The following DPYSL3 variants were observed in gnomAD, a reference collection of about 807,000 sequenced individuals.
The protein encoded by DPYSL3 is dihydropyrimidinase-related protein 3.
A neutral mutation model predicts 66.1 loss-of-function variants in DPYSL3; 16 were observed. The ratio of observed to expected loss-of-function variants is 0.24; its 90% confidence interval spans 0.16 to 0.37. The LOEUF (loss-of-function observed/expected upper bound fraction) is 0.37, where lower values mean the gene tolerates loss of function less well. Ranked by LOEUF, DPYSL3 falls within the 10% of genes least tolerant of loss-of-function variation. The probability of loss-of-function intolerance (pLI) is 1.00; values close to 1 mark genes in which losing one functional copy is unlikely to be tolerated. For synonymous variants in DPYSL3, 338 were observed against 345.1 expected (o/e 0.98, Z 0.23); for missense variants, 738 against 916.2 (o/e 0.81, Z 2.51).
intron 1 of DPYSL3, among the ~76,000 whole-genome samples, chr5:147,449,310 T>C (rs1178502108): frequency 1.3e-5 from 2 of 152,188 alleles, no homozygotes; most frequent in Non-Finnish European, 2.9e-5. Context: ...TCAAGGGAGA[T>C]CACAGAGCTC....
intron 1 of DPYSL3, among the ~76,000 whole-genome samples, chr5:147,430,215 G>A (rs945896014): frequency 1.3e-5 from 2 of 152,114 alleles, no homozygotes; most frequent in Non-Finnish European, 1.5e-5. Context: ...AAGGATGGGG[G>A]CCAGGTGTGG....
At chr5:147,396,156 G>A (rs2288804) in intron 12 of DPYSL3, among the ~76,000 whole-genome samples, 68,357 of 151,822 alleles carry the variant, frequency 0.45, 16,147 homozygotes, top group African/African-American at 0.56. Flanking sequence ...ACACGAGGTC[G>A]CAGGTCCTGG....
rs3805546 is a variant in DPYSL3, at chr5:147,417,831, C to T, written c.655+616G>A. Among the ~76,000 whole-genome samples, 2,107 of 152,222 alleles carry T rather than the reference C, an allele frequency of 0.014. 126 individuals carry two copies. In the East Asian group the frequency reaches 0.19, roughly 13 times the overall value. On this transcript the variant is annotated intron_variant, in intron 3 of 13. Transcript: ENST00000343218. ...AAGATATGAATTGGTCAAAATACAG[C>T]GCAGACCATAAGCACTAAATGCAAG...
chr5:147,508,053 C>A (rs1422315874), intron 1 of DPYSL3, among the ~76,000 whole-genome samples: 3 of 152,186 alleles, frequency 2.0e-5, no homozygotes, highest in Non-Finnish European at 2.9e-5. Context: ...GTTTAGATAT[C>A]AACCAAAACA....
chr5:147,469,220 A>C (rs1350247398), intron 1 of DPYSL3, among the ~76,000 whole-genome samples: 4 of 152,208 alleles, frequency 2.6e-5, no homozygotes, highest in Admixed American at 1.3e-4. Flanking sequence ...GCTGTAGGGC[A>C]ATATCAATAC....
At chr5:147,399,666 T>A (rs1359288890) in intron 10 of DPYSL3, among the ~76,000 whole-genome samples, 4 of 152,232 alleles carry the variant, frequency 2.6e-5, no homozygotes, top group Non-Finnish European at 5.9e-5. Context: ...CTTACCCAAA[T>A]GATAACAATG....
At position 147,458,780 on chromosome 5, in the gene DPYSL3, G is replaced by GT. The variant is rs559435589; in HGVS notation, c.382-33818_382-33817insA. On this transcript the variant is annotated intron_variant, in intron 1 of 13. Coordinates refer to ENST00000343218, the MANE Select transcript of DPYSL3 (RefSeq NM_001197294.2). ...GAATTGAATGTGGGCTCTTTAAGAT[G>GT]AGTGCTGAGAAGGGAGAGAAAAACT... is the stretch of plus-strand genomic sequence containing the variant. 7.9e-5 allele frequency among the ~76,000 whole-genome samples: 12 copies of GT among 152,266 alleles called. No homozygotes were observed. The South Asian group carries it at 2.5e-3, about 32-fold the overall frequency.
chr5:147,496,316 T>C (rs1030706614), intron 1 of DPYSL3, among the ~76,000 whole-genome samples: 1 of 152,186 alleles, frequency 6.6e-6, no homozygotes, highest in Non-Finnish European at 1.5e-5. Context: ...ACCTACACAA[T>C]ACCATTCAGG....
chr5:147,430,993 A>G (rs1375573138), intron 1 of DPYSL3, among the ~76,000 whole-genome samples: 3 of 152,230 alleles, frequency 2.0e-5, no homozygotes, highest in Non-Finnish European at 4.4e-5. Flanking sequence ...CTGCATTAAC[A>G]AAGCACAGAC....
intron 12 of DPYSL3, among the ~76,000 whole-genome samples, chr5:147,397,189 T>C (rs552447119): frequency 5.4e-4 from 80 of 147,256 alleles, no homozygotes; most frequent in African/African-American, 1.5e-3. Context: ...TATATATATA[T>C]ACACACATAT....
intron 1 of DPYSL3, among the ~76,000 whole-genome samples, chr5:147,451,414 G>T (rs1490454146): frequency 6.6e-6 from 1 of 152,210 alleles, no homozygotes; most frequent in African/African-American, 2.4e-5. Flanking sequence ...TGTACCCCAG[G>T]GAAGATCATT....
intron 1 of DPYSL3, chr5:147,453,702 G>A: frequency 7.5e-7 from 1 of 1,340,512 alleles, no homozygotes; most frequent in Non-Finnish European, 9.6e-7. Context: ...TGGTGCGCTG[G>A]CCGCGCCGCC....
At chr5:147,453,954 T>A in intron 1 of DPYSL3, 1 of 290,914 alleles carries the variant, frequency 3.4e-6, no homozygotes, top group Non-Finnish European at 6.2e-6. Context: ...CCTCTTTGCA[T>A]CTGCCTCACC....
intron 12 of DPYSL3, among the ~76,000 whole-genome samples, chr5:147,396,985 T>C (rs1469755271): frequency 6.8e-6 from 1 of 147,910 alleles, no homozygotes; most frequent in African/African-American, 2.5e-5. Flanking sequence ...TTTATTGTAT[T>C]GTTATAATAC....
intron 1 of DPYSL3, among the ~76,000 whole-genome samples, chr5:147,446,062 T>G (rs1195906692): frequency 2.0e-5 from 3 of 152,190 alleles, no homozygotes; most frequent in Non-Finnish European, 2.9e-5. Flanking sequence ...CCAACAATGG[T>G]CGCTCTCATC....
intron 1 of DPYSL3, among the ~76,000 whole-genome samples, chr5:147,499,025 G>T (rs1269554588): frequency 2.6e-5 from 4 of 152,060 alleles, no homozygotes; most frequent in Non-Finnish European, 4.4e-5. Flanking sequence ...GTATTGCCTA[G>T]GTTGTCTCCC....
At chr5:147,498,272 C>CT (rs141338657) in intron 1 of DPYSL3, among the ~76,000 whole-genome samples, 14 of 152,024 alleles carry the variant, frequency 9.2e-5, no homozygotes, top group Admixed American at 8.5e-4. Flanking sequence ...TGATCTCATT[C>CT]TTTTTTTATG....
intron 1 of DPYSL3, among the ~76,000 whole-genome samples, chr5:147,506,170 A>G (rs1399752084): frequency 6.6e-6 from 1 of 152,224 alleles, no homozygotes; most frequent in African/African-American, 2.4e-5. Flanking sequence ...GTATTATAGA[A>G]TTAAGGTTTA....
intron 1 of DPYSL3, among the ~76,000 whole-genome samples, chr5:147,484,155 G>A (rs573155599): frequency 1.3e-5 from 2 of 152,324 alleles, no homozygotes; most frequent in South Asian, 2.1e-4. Flanking sequence ...AAGGGAGCCC[G>A]TGCTGCTGGC....
Sources: gnomAD v4.1 joint callset for allele counts (sites outside exome capture counted in the v4.1 genomes callset) on GRCh38, gnomAD v4.1.1 for gene constraint, MANE v1.5 for transcripts, NCBI Gene and HGNC (gene_info 2026-07-23, HGNC 2026-07-21) for gene names.